IGF1R: variants seen among roughly 807,000 people sequenced by gnomAD.
IGF1R encodes the protein insulin like growth factor 1 receptor.
A neutral mutation model predicts 144.6 loss-of-function variants in IGF1R; 44 were observed. The observed-to-expected ratio is 0.30, with a 90% confidence interval of 0.24 to 0.39. The LOEUF (loss-of-function observed/expected upper bound fraction) is 0.39. Among genes scored for constraint, IGF1R ranks in the 10% least tolerant of loss-of-function variants. The pLI is 1.00. For missense variants in IGF1R, 1,355 were observed against 1,833.7 expected, an observed-to-expected ratio of 0.74 and a Z score of 4.77; for synonymous variants, 795 against 722.8, an observed-to-expected ratio of 1.10 and a Z score of -1.60.
intron 20 of IGF1R, among the ~76,000 whole-genome samples, chr15:98,949,900 G>A (rs567606180): frequency 6.6e-6 from 1 of 152,146 alleles, no homozygotes; most frequent in Non-Finnish European, 1.5e-5. Flanking sequence ...GTCCTTCCTG[G>A]AATGAGTTTG....
chr15:98,826,611 G>A (rs562178821), intron 2 of IGF1R, among the ~76,000 whole-genome samples: 14 of 152,192 alleles, frequency 9.2e-5, no homozygotes, highest in South Asian at 2.1e-4. Context: ...TCAGCCAGGT[G>A]TATGAAGATT....
chr15:98,869,134 T>A (rs1246724167), intron 2 of IGF1R, among the ~76,000 whole-genome samples: 1 of 152,236 alleles, frequency 6.6e-6, no homozygotes, highest in Non-Finnish European at 1.5e-5. Flanking sequence ...TATTTTTTCA[T>A]ATTATTCTTG....
intron 2 of IGF1R, among the ~76,000 whole-genome samples, chr15:98,824,603 G>T (rs1388999902): frequency 6.6e-6 from 1 of 152,148 alleles, no homozygotes; most frequent in African/African-American, 2.4e-5. Flanking sequence ...GGGCCATTAG[G>T]CTGGTTTTCT....
intron 5 of IGF1R, among the ~76,000 whole-genome samples, chr15:98,905,356 T>C (rs2014681856): frequency 6.6e-6 from 1 of 151,842 alleles, no homozygotes; most frequent in African/African-American, 2.4e-5. Flanking sequence ...ACATGGAAGC[T>C]AAAGAAAAAT....
rs1004346759 is a variant in IGF1R, at chr15:98,704,061, A to AG, written c.95-3497dup. ...GACACACAGTTAATTTAGTGTCCCC[A>AG]GGGGAAAAAAGACCCTCCCGGCCCC... On this transcript the variant is annotated intron_variant, in intron 1 of 20. Coordinates refer to ENST00000650285, the MANE Select transcript of IGF1R (RefSeq NM_000875.5). This position sits in a 1 kb window ranked among gnomAD's most constrained non-coding sequence, Gnocchi z 4.9. 1.2e-3 allele frequency among the ~76,000 whole-genome samples: 5 copies of AG among 4,194 alleles called. No homozygotes were observed. Among genetic ancestry groups the AG allele is most frequent in the Admixed American group, 7.1e-3 (2 of 280 alleles). 2.8% of individuals were successfully genotyped at this position (4,194 alleles called of 152,430 possible).
At position 98,929,418 on chromosome 15, in the gene IGF1R, C is replaced by T. The variant is rs994274296; in HGVS notation, c.2783-140C>T. 6.1e-5 allele frequency: 44 copies of T among 725,586 alleles called. No individual in the cohort carries two copies. The Admixed American group carries it at 8.5e-4, about 14-fold the overall frequency. The allele number at this position is 725,586 out of a possible 1,614,324, so 44.9% of individuals were successfully genotyped here. A position where few individuals can be genotyped will look rare whatever the true frequency, so the allele number is the denominator to read the frequency against. On this transcript the variant is annotated intron_variant, in intron 13 of 20. Coordinates refer to ENST00000650285, the MANE Select transcript of IGF1R (RefSeq NM_000875.5). ...CGTGTTCTATTTCTGACACCATTTACCTTCAGGAATTCTTACTGTATGATG... is the reference window on the plus strand; with the variant it reads ...CGTGTTCTATTTCTGACACCATTTATCTTCAGGAATTCTTACTGTATGATG...
In IGF1R at chr15:98,831,641, G is replaced by GA. The variant is rs200257555; in HGVS notation, c.641-59680dup. Reference sequence around the variant, plus strand: ...TGTGCATGGGAGTCATACAAAATATGAAAACTCAAGAAAATGGCCAGATGG... The same window carrying GA: ...TGTGCATGGGAGTCATACAAAATATGAAAAACTCAAGAAAATGGCCAGATGG... On this transcript the variant is annotated intron_variant, in intron 2 of 20. Coordinates refer to ENST00000650285, the MANE Select transcript of IGF1R (RefSeq NM_000875.5). Among the ~76,000 whole-genome samples, 610 of 152,310 alleles carry GA rather than the reference G, an allele frequency of 4.0e-3. 2 individuals carry two copies. Among genetic ancestry groups the GA allele is most frequent in the African/African-American group, 0.014 (571 of 41,564 alleles).
In IGF1R at chr15:98,742,472, C is replaced by T. The variant is rs535388285; in HGVS notation, c.640+34365C>T. 1.4e-4 allele frequency among the ~76,000 whole-genome samples: 21 copies of T among 152,120 alleles called. No homozygotes were observed. In the East Asian group the frequency reaches 1.5e-3, roughly 11 times the overall value. On this transcript the variant is annotated intron_variant, in intron 2 of 20. Transcript: ENST00000650285. ...TGGGGCTGCTCCTGGAGCATCTTTA[C>T]GCGGGTGGAGGAGCTCTGACACAGT...
intron 3 of IGF1R, among the ~76,000 whole-genome samples, chr15:98,895,020 C>CAAAAAAA (rs368393677): frequency 3.0e-4 from 34 of 112,522 alleles, no homozygotes; most frequent in African/African-American, 1.1e-3. Flanking sequence ...GACCCTGTCT[C>CAAAAAAA]AAAAAAAAAA....
intron 2 of IGF1R, among the ~76,000 whole-genome samples, chr15:98,733,499 T>TC (rs1198796475): frequency 6.6e-6 from 1 of 151,304 alleles, no homozygotes; most frequent in African/African-American, 2.4e-5. Context: ...TTTTTTTTTT[T>TC]TCCCCCTTCC....
intron 2 of IGF1R, among the ~76,000 whole-genome samples, chr15:98,841,649 C>T (rs1344376230): frequency 1.3e-5 from 2 of 152,192 alleles, no homozygotes; most frequent in African/African-American, 4.8e-5. Context: ...AAATACTCTG[C>T]ATGTTGAGTG....
chr15:98,910,779 C>G (rs1465323749), intron 6 of IGF1R, among the ~76,000 whole-genome samples: 2 of 152,234 alleles, frequency 1.3e-5, no homozygotes, highest in African/African-American at 4.8e-5. Context: ...CACAGGAGTT[C>G]CTGTGTCCTT....
In IGF1R at chr15:98,707,414, G is replaced by T; in HGVS notation, c.95-148G>T. On this transcript the variant is annotated intron_variant, in intron 1 of 20. Transcript: ENST00000650285. The surrounding 1 kb of genome is among the most constrained non-coding windows in gnomAD (Gnocchi z 6.7). ...GGTTAGCCACCTAAACTGTCAGTCT[G>T]CAACCCACAGCTCTGCAGTGAACAA... 1 of 845,862 alleles carries T rather than the reference G, an allele frequency of 1.2e-6. No individual in the cohort carries two copies. The allele number at this position is 845,862 out of a possible 1,614,324, so 52.4% of individuals were successfully genotyped here.
At chr15:98,867,972 G>A (rs1320437019) in intron 2 of IGF1R, among the ~76,000 whole-genome samples, 12 of 152,156 alleles carry the variant, frequency 7.9e-5, no homozygotes, top group African/African-American at 1.9e-4. Flanking sequence ...AGGCCAGGGC[G>A]GGCAGATCGC....
intron 2 of IGF1R, among the ~76,000 whole-genome samples, chr15:98,734,079 A>C (rs1420229137): frequency 6.6e-6 from 1 of 152,162 alleles, no homozygotes. Context: ...GATGTAAAAG[A>C]GCGCGCATCG....
intron 2 of IGF1R, among the ~76,000 whole-genome samples, chr15:98,738,080 T>C (rs1030040255): frequency 1.3e-5 from 2 of 152,242 alleles, no homozygotes; most frequent in East Asian, 3.8e-4. Flanking sequence ...GTCATGCTCC[T>C]GTATCTAGAT....
chr15:98,782,318 C>A (rs1212261171), intron 2 of IGF1R, among the ~76,000 whole-genome samples: 1 of 152,104 alleles, frequency 6.6e-6, no homozygotes, highest in Non-Finnish European at 1.5e-5. Context: ...TTATTTTAAT[C>A]ATGATTGATA....
At chr15:98,699,652 G>A (rs977043202) in intron 1 of IGF1R, among the ~76,000 whole-genome samples, 7 of 152,130 alleles carry the variant, frequency 4.6e-5, no homozygotes, top group Admixed American at 1.3e-4. Flanking sequence ...TTGAATTCCC[G>A]TTAAAGTTTC....
intron 2 of IGF1R, among the ~76,000 whole-genome samples, chr15:98,767,316 G>T (rs1212273984): frequency 1.3e-5 from 2 of 152,086 alleles, no homozygotes; most frequent in African/African-American, 2.4e-5. Flanking sequence ...TTCCAGGCAG[G>T]CTCTCATTCT....
Sources: gnomAD v4.1 joint callset for allele counts (sites outside exome capture counted in the v4.1 genomes callset) on GRCh38, gnomAD v4.1.1 for gene constraint, Gnocchi (gnomAD v3.1) non-coding constraint, MANE v1.5 for transcripts, NCBI Gene and HGNC (gene_info 2026-07-23, HGNC 2026-07-21) for gene names.